The following CTNNA2 variants were observed in gnomAD, a reference collection of about 807,000 sequenced individuals.
CTNNA2 encodes the protein catenin alpha 2.
Under a neutral mutation model 101.0 loss-of-function variants are expected in CTNNA2, and 42 were observed. That is an observed-to-expected ratio of 0.42 (90% confidence interval 0.32 to 0.54). The LOEUF (loss-of-function observed/expected upper bound fraction) is 0.54. Ranked by LOEUF, CTNNA2 falls within the 20% of genes least tolerant of loss-of-function variation. The pLI is 0.14. For synonymous variants in CTNNA2, 450 were observed against 456.4 expected, an observed-to-expected ratio of 0.99 and a Z score of 0.18; for missense variants, 871 against 1,223.1, an observed-to-expected ratio of 0.71 and a Z score of 4.29.
chr2:79,542,816 A>G (rs1673503029), intron 1 of CTNNA2, among the ~76,000 whole-genome samples: 1 of 152,122 alleles, frequency 6.6e-6, no homozygotes, highest in Non-Finnish European at 1.5e-5. Flanking sequence ...CTGGTTAAAA[A>G]CTATCAAAAA....
chr2:80,260,205 A>G (rs1218934049), intron 7 of CTNNA2, among the ~76,000 whole-genome samples: 1 of 152,170 alleles, frequency 6.6e-6, no homozygotes, highest in African/African-American at 2.4e-5. Flanking sequence ...CTCAACCATC[A>G]TTGCTACATC....
intron 7 of CTNNA2, among the ~76,000 whole-genome samples, chr2:80,096,628 T>C (rs1700170306): frequency 6.6e-6 from 1 of 152,164 alleles, no homozygotes; most frequent in African/African-American, 2.4e-5. Context: ...CCATTATTAT[T>C]GTGTGGGAGT....
intron 7 of CTNNA2, among the ~76,000 whole-genome samples, chr2:80,375,442 G>A (rs1231664050): frequency 6.6e-6 from 1 of 152,094 alleles, no homozygotes; most frequent in Non-Finnish European, 1.5e-5. Context: ...CACCAGTCTG[G>A]CTTCTGTACA....
chr2:80,511,888 T>C (rs1449451970), intron 9 of CTNNA2, among the ~76,000 whole-genome samples: 4 of 152,028 alleles, frequency 2.6e-5, no homozygotes, highest in Non-Finnish European at 2.9e-5. Context: ...TGGTGGCTTA[T>C]GCCTGTAATC....
chr2:79,331,490 G>C (rs1160276951), intron 3 of CTNNA2, among the ~76,000 whole-genome samples: 1 of 152,084 alleles, frequency 6.6e-6, no homozygotes, highest in East Asian at 1.9e-4. Flanking sequence ...AAAGCCCTCT[G>C]TCCTCTCACT....
intron 7 of CTNNA2, among the ~76,000 whole-genome samples, chr2:80,158,391 T>G (rs1573251644): frequency 6.6e-6 from 1 of 152,366 alleles, no homozygotes; most frequent in African/African-American, 2.4e-5. Flanking sequence ...ACCTGTATGC[T>G]CTTTCCCTCG....
chr2:80,008,907 G>A (rs1041670519), intron 7 of CTNNA2, among the ~76,000 whole-genome samples: 8 of 152,170 alleles, frequency 5.3e-5, no homozygotes, highest in Admixed American at 4.6e-4. Context: ...CTTTTGTGCA[G>A]AACAAGATGT....
intron 2 of CTNNA2, among the ~76,000 whole-genome samples, chr2:79,290,392 G>A (rs1481562478): frequency 6.6e-6 from 1 of 152,122 alleles, no homozygotes; most frequent in East Asian, 1.9e-4. Context: ...AAACGGAGTG[G>A]TCCCTGCCTA....
chr2:79,399,603 A>G (rs1358056644), intron 4 of CTNNA2, among the ~76,000 whole-genome samples: 3 of 152,120 alleles, frequency 2.0e-5, no homozygotes, highest in African/African-American at 7.2e-5. Context: ...ACGAACAAAC[A>G]GCAGTAACAA....
chr2:79,248,765 T>C (rs1414914967), intron 2 of CTNNA2, among the ~76,000 whole-genome samples: 1 of 152,206 alleles, frequency 6.6e-6, no homozygotes, highest in African/African-American at 2.4e-5. Context: ...GATTGACTCA[T>C]GTAGCTTTGT....
intron 7 of CTNNA2, among the ~76,000 whole-genome samples, chr2:80,353,835 A>G (rs1017143626): frequency 6.6e-6 from 1 of 152,190 alleles, no homozygotes; most frequent in Non-Finnish European, 1.5e-5. Flanking sequence ...CAAGGTACTA[A>G]ATAATATCTT....
rs377008518 is a variant in CTNNA2 at position 79,448,037 on chromosome 2, T to A, written c.-134-57017T>A. 3.3e-5 allele frequency among the ~76,000 whole-genome samples: 5 copies of A among 152,076 alleles called. No individual in the cohort carries two copies. The East Asian group carries it at 9.6e-4, about 29-fold the overall frequency. On this transcript the variant is annotated intron_variant, in intron 4 of 21. Transcript: ENST00000466387. ...AGACATTCTAACATCCTGAAGTTAA[T>A]TTCCAGAAATAGTAGGCTAGGAGTG...
chr2:79,763,029 G>C (rs541976893), intron 3 of CTNNA2, among the ~76,000 whole-genome samples: 63 of 152,078 alleles, frequency 4.1e-4, no homozygotes, highest in African/African-American at 1.5e-3. Flanking sequence ...CCCTTAATTT[G>C]GGGTCTTATT....
intron 2 of CTNNA2, among the ~76,000 whole-genome samples, chr2:79,221,489 A>G (rs1007464318): frequency 1.3e-5 from 2 of 152,226 alleles, no homozygotes; most frequent in African/African-American, 4.8e-5. Context: ...CTCTAAGGGT[A>G]TACTTGCAGT....
chr2:79,510,738 T>C, upstream of CTNNA2, among the ~76,000 whole-genome samples: 1 of 152,228 alleles, frequency 6.6e-6, no homozygotes, highest in East Asian at 1.9e-4. Context: ...ATGCTGGTTT[T>C]TTAATAACTC....
intron 2 of CTNNA2, among the ~76,000 whole-genome samples, chr2:79,264,575 G>A (rs555194846): frequency 1.3e-5 from 2 of 152,240 alleles, no homozygotes; most frequent in East Asian, 3.9e-4. Flanking sequence ...GAAATGACCA[G>A]ACTGAGTGAA....
intron 4 of CTNNA2, among the ~76,000 whole-genome samples, chr2:79,865,484 A>G (rs771143623): frequency 4.6e-5 from 7 of 152,222 alleles, no homozygotes; most frequent in African/African-American, 7.2e-5. Context: ...TTAGGTAACA[A>G]TAGTAAACCC....
At chr2:79,558,602 A>G (rs79752565) in intron 1 of CTNNA2, among the ~76,000 whole-genome samples, 1 of 151,930 alleles carries the variant, frequency 6.6e-6, no homozygotes, top group East Asian at 1.9e-4. Flanking sequence ...TACTCAGAAA[A>G]CCAATTTTCT....
chr2:79,467,072 C>T (rs1214923779), intron 4 of CTNNA2, among the ~76,000 whole-genome samples: 1 of 152,188 alleles, frequency 6.6e-6, no homozygotes, highest in Non-Finnish European at 1.5e-5. Flanking sequence ...GATGATCAAA[C>T]TTCTCTGAGC....
Sources: allele counts gnomAD v4.1 joint callset (sites outside exome capture counted in the v4.1 genomes callset), GRCh38; gene constraint gnomAD v4.1.1; transcripts MANE v1.5; gene names NCBI Gene and HGNC (gene_info 2026-07-23, HGNC 2026-07-21).